The following USP32 variants were observed in gnomAD, a reference collection of about 807,000 sequenced individuals.
USP32 encodes ubiquitin specific peptidase 32, also known as ubiquitin carboxyl-terminal hydrolase 32.
Under a neutral mutation model 204.8 loss-of-function variants are expected in USP32, and 59 were observed. The ratio of observed to expected loss-of-function variants is 0.29; its 90% CI spans 0.23 to 0.36. The LOEUF (loss-of-function observed/expected upper bound fraction) is 0.36. Among genes scored for constraint, USP32 ranks in the 10% least tolerant of loss-of-function variants. The probability of loss-of-function intolerance (pLI) is 1.00; values close to 1 mark genes in which losing one functional copy is unlikely to be tolerated. For missense variants in USP32, 1,160 were observed against 1,946.4 expected (o/e 0.60, Z 7.60); for synonymous variants, 517 against 678.4 (o/e 0.76, Z 3.70).
intron 11 of USP32, among the ~76,000 whole-genome samples, chr17:60,244,862 C>A (rs535002930): frequency 1.3e-5 from 2 of 152,330 alleles, no homozygotes; most frequent in African/African-American, 4.8e-5. Context: ...GAACTCCTGG[C>A]TTCAAGAGAT....
chr17:60,384,955 A>G (rs2089704641), intron 1 of USP32, among the ~76,000 whole-genome samples: 2 of 152,340 alleles, frequency 1.3e-5, no homozygotes, highest in South Asian at 4.1e-4. Context: ...TACAAAATAC[A>G]AAAATTAGCC....
chr17:60,249,205 T>C (rs1210200709), intron 11 of USP32: 1 of 152,330 alleles, frequency 6.6e-6, no homozygotes, highest in Non-Finnish European at 1.5e-5. Flanking sequence ...TCCTGATGGA[T>C]CTGTACATGG....
At chr17:60,234,437 A>AT (rs975938319) in intron 12 of USP32, among the ~76,000 whole-genome samples, 93 of 147,640 alleles carry the variant, frequency 6.3e-4, no homozygotes, top group Middle Eastern at 3.4e-3. Flanking sequence ...TTAAAAAAAA[A>AT]TTTTTTTGGA....
chr17:60,380,239 C>T (rs2089623247), intron 1 of USP32, among the ~76,000 whole-genome samples: 1 of 152,156 alleles, frequency 6.6e-6, no homozygotes, highest in Non-Finnish European at 1.5e-5. Context: ...CCAACCTGAA[C>T]ATGCCAATCT....
chr17:60,392,063 A>T lies in USP32; in HGVS notation c.-124T>A. 1.0e-6 allele frequency: 1 copy of T among 972,452 alleles called. No homozygotes were observed. Among genetic ancestry groups the T allele is most frequent in the Non-Finnish European group, 1.4e-6 (1 of 732,270 alleles). The allele number at this position is 972,452 out of a possible 1,614,324, so 60.2% of individuals were successfully genotyped here. A position where few individuals can be genotyped will look rare whatever the true frequency, so the allele number is the denominator to read the frequency against. On this transcript the variant is annotated 5_prime_UTR_variant, in exon 1 of 34. Coordinates refer to ENST00000300896, the MANE Select transcript of USP32 (RefSeq NM_032582.4). Reference sequence around the variant, plus strand: ...GCGTCCCCCGCCCCCACCTCCCCCCACACTAACAAGTGCGGCTTCTGCCCC... The same window carrying T: ...GCGTCCCCCGCCCCCACCTCCCCCCTCACTAACAAGTGCGGCTTCTGCCCC...
intron 16 of USP32, among the ~76,000 whole-genome samples, chr17:60,216,466 T>C (rs888635118): frequency 7.9e-5 from 12 of 152,158 alleles, no homozygotes; most frequent in Non-Finnish European, 1.6e-4. Context: ...ACCCATTCAA[T>C]CATGAGTTAG....
At chr17:60,225,952 C>CAAAAAA (rs11309727) in intron 13 of USP32, 87 bp downstream of exon 13, 9 of 1,013,608 alleles carry the variant, frequency 8.9e-6, no homozygotes, top group African/African-American at 7.9e-5. Context: ...AACTCAGTCT[C>CAAAAAA]AAAAAAAAAA....
At chr17:60,362,602 A>G (rs1321674319) in intron 1 of USP32, among the ~76,000 whole-genome samples, 3 of 152,206 alleles carry the variant, frequency 2.0e-5, no homozygotes, top group Non-Finnish European at 4.4e-5. Flanking sequence ...TCATGGAGAG[A>G]ATGTCCTTAA....
At chr17:60,322,645 C>T (rs2088141799) in intron 2 of USP32, among the ~76,000 whole-genome samples, 1 of 151,876 alleles carries the variant, frequency 6.6e-6, no homozygotes, top group Non-Finnish European at 1.5e-5. Flanking sequence ...GGAGATAGTC[C>T]CTGGGTTCTA....
At chr17:60,337,549 TG>T (rs1387607361) in intron 2 of USP32, among the ~76,000 whole-genome samples, 8 of 152,182 alleles carry the variant, frequency 5.3e-5, no homozygotes, top group African/African-American at 7.2e-5. Flanking sequence ...CTGGGGCATA[TG>T]TTTTTTTTAA....
intron 31 of USP32, among the ~76,000 whole-genome samples, chr17:60,182,417 A>C (rs2084134403): frequency 6.6e-6 from 1 of 152,238 alleles, no homozygotes; most frequent in Non-Finnish European, 1.5e-5. Flanking sequence ...ACCATTGTAC[A>C]TTTGTGAGAG....
At chr17:60,266,742 G>A (rs989305204) in intron 7 of USP32, among the ~76,000 whole-genome samples, 8 of 150,862 alleles carry the variant, frequency 5.3e-5, no homozygotes, top group African/African-American at 2.0e-4. Context: ...TGCAACCTCT[G>A]CCTCCCGGGT....
chr17:60,236,061 G>A, intron 12 of USP32, 77 bp downstream of exon 12: 2 of 1,154,654 alleles, frequency 1.7e-6, no homozygotes, highest in South Asian at 1.3e-5. Context: ...GGTAGTCATA[G>A]CATTTTATTA....
chr17:60,188,868 C>T (rs2084310748), intron 29 of USP32, among the ~76,000 whole-genome samples: 1 of 152,234 alleles, frequency 6.6e-6, no homozygotes, highest in African/African-American at 2.4e-5. Context: ...CCAGATTAGT[C>T]ATATGGGCCC....
At chr17:60,184,514 A>C (rs2084198398) in intron 30 of USP32, among the ~76,000 whole-genome samples, 1 of 152,124 alleles carries the variant, frequency 6.6e-6, no homozygotes, top group Non-Finnish European at 1.5e-5. Flanking sequence ...ACATGAATAG[A>C]ATAAGAAAAC....
At chr17:60,410,214 A>C (rs1355041928) in intron 1 of USP32, among the ~76,000 whole-genome samples, 1 of 152,122 alleles carries the variant, frequency 6.6e-6, no homozygotes, top group African/African-American at 2.4e-5. Context: ...TGTAACCCCC[A>C]GCAACACATA....
At position 60,367,018 on chromosome 17, in the gene USP32, G is replaced by T. The variant is rs150183974; in HGVS notation, c.59-21410C>A. On this transcript the variant is annotated intron_variant, in intron 1 of 33. Coordinates refer to ENST00000300896, the MANE Select transcript of USP32 (RefSeq NM_032582.4). ...TTGTTTTTATAGTTTTAGTAGAGAC[G>T]GGGTTTCACCGTGTTAGCCAGGATG... Among the ~76,000 whole-genome samples the T allele has an allele frequency of 8.1e-3, 1,239 of 152,188 alleles. 14 individuals carry two copies. The highest frequency in any genetic ancestry group is 0.028 in the African/African-American group (1,146 of 41,510).
intron 27 of USP32, among the ~76,000 whole-genome samples, 184 bp downstream of exon 27, chr17:60,198,076 G>A (rs1248498517): frequency 1.3e-5 from 2 of 152,232 alleles, no homozygotes; most frequent in African/African-American, 4.8e-5. Context: ...TTGGCAAAAG[G>A]AAGCTGTATC....
intron 11 of USP32, among the ~76,000 whole-genome samples, chr17:60,248,207 C>A (rs527732036): frequency 1.2e-4 from 18 of 152,344 alleles, no homozygotes; most frequent in African/African-American, 4.1e-4. Context: ...TCACTGCACA[C>A]TGAGCTCTAT....
Sources: gnomAD v4.1 joint callset for allele counts (sites outside exome capture counted in the v4.1 genomes callset) on GRCh38, gnomAD v4.1.1 for gene constraint, MANE v1.5 for transcripts, NCBI Gene and HGNC (gene_info 2026-07-23, HGNC 2026-07-21) for gene names.